KIAA0513: variants seen among roughly 807,000 people sequenced by gnomAD.
KIAA0513 encodes the protein uncharacterized protein KIAA0513.
In KIAA0513, 39 loss-of-function variants were observed where a neutral mutation model predicts 56.5. The ratio of observed to expected loss-of-function variants is 0.69; its 90% CI spans 0.53 to 0.90. The LOEUF is 0.90. Among genes scored for constraint, KIAA0513 ranks in the 40% least tolerant of loss-of-function variants. The pLI, the probability that KIAA0513 is intolerant of heterozygous loss-of-function variation, is 0.00. For missense variants in KIAA0513, 591 were observed against 535.2 expected (o/e 1.10, Z -1.03); for synonymous variants, 268 against 215.6 (o/e 1.24, Z -2.13).
rs1020807053 is a variant in KIAA0513, at chr16:85,065,445, C to T, written c.-172-1455C>T. Among the ~76,000 whole-genome samples, 11 of 152,196 alleles carry T rather than the reference C, an allele frequency of 7.2e-5. No individual in the cohort carries two copies. In the East Asian group the frequency reaches 7.7e-4, roughly 11 times the overall value. ...GAGGTTTATGCTTCTCTCTTGTGGA[C>T]GGAGGCTTGCTTTGCGGGGCTCCCC... On this transcript the variant is annotated intron_variant, in intron 1 of 12. Transcript: ENST00000683363.
In KIAA0513 at chr16:85,082,565, G is replaced by A. The variant is rs749729030; in HGVS notation, c.982G>A (p.Gly328Arg). The A allele has an allele frequency of 3.1e-6, 5 of 1,614,036 alleles. No individual in the cohort carries two copies. The highest frequency in any genetic ancestry group is 1.6e-4 in the Middle Eastern group (1 of 6,062). Residue 328 changes from glycine to arginine, a missense_variant and splice_region_variant, in exon 10 of 13, where the codon GGG becomes AGG. Transcript: ENST00000683363. ...ERTKRSPTTR[G>R]DAGEEEEKRE... is the part of the protein sequence containing the mutation. ...TACCTGTTTCTGCTGCCGCTCCAGA[G>A]GGGATGCTGGAGAGGAGGAGGAGAA...
chr16:85,044,706 C>G (rs2073148393), intron 1 of KIAA0513, among the ~76,000 whole-genome samples: 1 of 151,776 alleles, frequency 6.6e-6, no homozygotes, highest in South Asian at 2.1e-4. Context: ...GGGGGTTTCA[C>G]CATGTTGGCC....
intron 12 of KIAA0513, among the ~76,000 whole-genome samples, chr16:85,087,425 T>G (rs3794685): frequency 0.11 from 16,501 of 152,224 alleles, 1,443 homozygotes; most frequent in East Asian, 0.25. Context: ...GTGTTCACAG[T>G]CAGGGCAGAG....
chr16:85,082,729 CG>C, intron 10 of KIAA0513, 136 bp downstream of exon 10: 1 of 866,374 alleles, frequency 1.2e-6, no homozygotes, highest in Non-Finnish European at 1.8e-6. Flanking sequence ...TGGTGGCCGG[CG>C]GGGAGGGCGG....
intron 1 of KIAA0513, among the ~76,000 whole-genome samples, chr16:85,047,905 A>G (rs1166089526): frequency 6.6e-6 from 1 of 152,184 alleles, no homozygotes; most frequent in African/African-American, 2.4e-5. Context: ...GCTACTGGTC[A>G]ATTCTCAGAG....
In KIAA0513 at chr16:85,092,540, A is replaced by T. The variant is rs1247544869; in HGVS notation, c.*4215A>T. ...TGGTCCCTCCTCAGTTTCCGCAGCC[A>T]CAAGGCGAAACGGCCAGATTCTCAC... is the stretch of plus-strand genomic sequence containing the variant. On this transcript the variant is annotated 3_prime_UTR_variant, in exon 13 of 13. Transcript: ENST00000683363. The T allele has an allele frequency of 6.6e-6, 1 of 152,160 alleles. No individual in the cohort carries two copies. Among genetic ancestry groups the T allele is most frequent in the Non-Finnish European group, 1.5e-5 (1 of 68,038 alleles). 9.4% of individuals were successfully genotyped at this position (152,160 alleles called of 1,614,324 possible).
At chr16:85,035,877 G>A (rs2143843977) in intron 1 of KIAA0513, among the ~76,000 whole-genome samples, 1 of 151,994 alleles carries the variant, frequency 6.6e-6, no homozygotes, top group African/African-American at 2.4e-5. Flanking sequence ...CTACTTGGGA[G>A]GCTAGGCAGG....
chr16:85,048,627 C>T (rs2073204611), intron 1 of KIAA0513, among the ~76,000 whole-genome samples: 1 of 152,086 alleles, frequency 6.6e-6, no homozygotes, highest in Admixed American at 6.6e-5. Flanking sequence ...CCCTGTAATC[C>T]CAGCACTTTG....
chr16:85,043,654 C>G (rs554100952), intron 1 of KIAA0513, among the ~76,000 whole-genome samples: 41 of 152,126 alleles, frequency 2.7e-4, no homozygotes, highest in Admixed American at 1.7e-3. Context: ...CTCAAGTGAT[C>G]CACCCACCTC....
intron 1 of KIAA0513, among the ~76,000 whole-genome samples, chr16:85,062,716 A>T (rs1424715371): frequency 6.6e-6 from 1 of 152,226 alleles, no homozygotes. Flanking sequence ...AGCATTCCTT[A>T]GAAACCTGTA....
intron 7 of KIAA0513, among the ~76,000 whole-genome samples, chr16:85,078,677 GA>G (rs1768464393): frequency 6.6e-6 from 1 of 152,258 alleles, no homozygotes; most frequent in Middle Eastern, 3.2e-3. Flanking sequence ...CTTATCCCAG[GA>G]AGGCTAAGGG....
chr16:85,059,961 T>A (rs911614283), intron 1 of KIAA0513, among the ~76,000 whole-genome samples: 1 of 152,160 alleles, frequency 6.6e-6, no homozygotes, highest in Non-Finnish European at 1.5e-5. Flanking sequence ...TTTTGTTTGT[T>A]TGTGTGTTTT....
chr16:85,054,512 C>T (rs1475788713), intron 1 of KIAA0513, among the ~76,000 whole-genome samples: 1 of 149,920 alleles, frequency 6.7e-6, no homozygotes, highest in Non-Finnish European at 1.5e-5. Context: ...CTCACTGCAA[C>T]CTCCACCTCC....
rs1461790872 is a variant in KIAA0513 at position 85,081,651 on chromosome 16, C to G, written c.980+259C>G. Among the ~76,000 whole-genome samples the G allele has an allele frequency of 1.3e-5, 2 of 152,160 alleles. No individual in the cohort carries two copies. Among genetic ancestry groups the G allele is most frequent in the Non-Finnish European group, 2.9e-5 (2 of 68,022 alleles). On this transcript the variant is annotated intron_variant, in intron 9 of 12. Transcript: ENST00000683363. This position sits in a 1 kb window ranked among gnomAD's most constrained non-coding sequence, Gnocchi z 4.4. The stretch of plus-strand genomic sequence containing the variant: ...CTGACCCTCCTAAAAATGCAAACTC[C>G]CACTAAGACCATCAGGACCCCTGCT...
At chr16:85,083,104 G>A (rs2073767017) in intron 10 of KIAA0513, among the ~76,000 whole-genome samples, 1 of 152,214 alleles carries the variant, frequency 6.6e-6, no homozygotes, top group Non-Finnish European at 1.5e-5. Flanking sequence ...GTGTCCTGGG[G>A]CCGCCAGTTT....
At position 85,081,496 on chromosome 16, in the gene KIAA0513, G is replaced by C; in HGVS notation, c.980+104G>C. On this transcript the variant is annotated intron_variant, in intron 9 of 12. Transcript: ENST00000683363. The surrounding 1 kb of genome is among the most constrained non-coding windows in gnomAD (Gnocchi z 4.4). ...AGAGCAGAAGAGCAGCTGAGTGGAC[G>C]TGTCTGTTTTTTCTTCACCCCCTCA... 1 of 1,058,138 alleles carries C rather than the reference G, an allele frequency of 9.5e-7. No individual in the cohort carries two copies. Among genetic ancestry groups the C allele is most frequent in the South Asian group, 1.4e-5 (1 of 73,674 alleles). 65.5% of individuals were successfully genotyped at this position (1,058,138 alleles called of 1,614,324 possible). A position where few individuals can be genotyped will look rare whatever the true frequency, so the allele number is the denominator to read the frequency against.
chr16:85,038,977 T>G (rs2073071476), intron 1 of KIAA0513, among the ~76,000 whole-genome samples: 1 of 152,200 alleles, frequency 6.6e-6, no homozygotes. Context: ...CGTATTTTAT[T>G]CATAGCACAG....
intron 4 of KIAA0513, among the ~76,000 whole-genome samples, chr16:85,073,345 T>A (rs1311648354): frequency 1.3e-5 from 2 of 152,200 alleles, no homozygotes; most frequent in Admixed American, 6.5e-5. Flanking sequence ...GTAGAGTACT[T>A]CAAACTCAAC....
chr16:85,042,478 TC>T (rs1567522657), intron 1 of KIAA0513, among the ~76,000 whole-genome samples: 1 of 152,122 alleles, frequency 6.6e-6, no homozygotes, highest in East Asian at 1.9e-4. Context: ...GGCTGTGGAC[TC>T]CCCCTCTGCT....
Sources: gnomAD v4.1 joint callset for allele counts (sites outside exome capture counted in the v4.1 genomes callset) on GRCh38, gnomAD v4.1.1 for gene constraint, Gnocchi (gnomAD v3.1) non-coding constraint, MANE v1.5 for transcripts, NCBI Gene and HGNC (gene_info 2026-07-23, HGNC 2026-07-21) for gene names.